The following RPS6KC1 variants were observed in gnomAD, a reference collection of about 807,000 sequenced individuals.
The protein encoded by RPS6KC1 is ribosomal protein S6 kinase C1, also known as inactive ribosomal protein S6 kinase delta-1.
In RPS6KC1, 54 loss-of-function variants were observed where a neutral mutation model predicts 103.8. The observed-to-expected ratio is 0.52, with a 90% confidence interval of 0.42 to 0.65. The LOEUF (loss-of-function observed/expected upper bound fraction) is 0.65. RPS6KC1 is among the 30% of genes least tolerant of loss of function. The pLI, the probability that RPS6KC1 is intolerant of heterozygous loss-of-function variation, is 0.00. For synonymous variants in RPS6KC1, 439 were observed against 438.7 expected, an observed-to-expected ratio of 1.00 and a Z score of -0.01; for missense variants, 1,151 against 1,253.8, an observed-to-expected ratio of 0.92 and a Z score of 1.24.
At chr1:213,734,487 G>A in the RPS6KC1 span, among the ~76,000 whole-genome samples, 1 of 152,164 alleles carries the variant, frequency 6.6e-6, no homozygotes, top group Non-Finnish European at 1.5e-5. Flanking sequence ...GTAGGCCACA[G>A]AGCAGTTTGA....
intron 8 of RPS6KC1, among the ~76,000 whole-genome samples, chr1:213,216,959 G>T (rs1366648103): frequency 6.6e-6 from 1 of 151,838 alleles, no homozygotes; most frequent in Non-Finnish European, 1.5e-5. Flanking sequence ...ACAATTAAAA[G>T]AACTAGAGAA....
At chr1:213,088,819 A>G (rs1225072060) in intron 3 of RPS6KC1, among the ~76,000 whole-genome samples, 2 of 152,180 alleles carry the variant, frequency 1.3e-5, no homozygotes, top group African/African-American at 2.4e-5. Context: ...CTGGTAGTCT[A>G]CATGGAACAG....
the RPS6KC1 span, among the ~76,000 whole-genome samples, chr1:213,854,510 C>CTCTT: frequency 0.12 from 14,290 of 120,836 alleles, 1,352 homozygotes; most frequent in Middle Eastern, 0.18. Flanking sequence ...CTCTTTCTTT[C>CTCTT]TCTTTCTTTC....
the RPS6KC1 span, among the ~76,000 whole-genome samples, chr1:213,326,856 G>C: frequency 6.6e-6 from 1 of 152,088 alleles, no homozygotes; most frequent in Admixed American, 6.5e-5. Context: ...AGACAGATTT[G>C]GGTGTCCTCC....
chr1:213,644,809 C>T, the RPS6KC1 span, among the ~76,000 whole-genome samples: 1 of 152,146 alleles, frequency 6.6e-6, no homozygotes, highest in South Asian at 2.1e-4. Flanking sequence ...TACACTCCCA[C>T]AGGAGTTTTT....
the RPS6KC1 span, among the ~76,000 whole-genome samples, chr1:213,384,796 C>T: frequency 3.3e-5 from 5 of 152,282 alleles, no homozygotes; most frequent in East Asian, 1.9e-4. Flanking sequence ...TCACTCAGTT[C>T]GCACAACTAC....
chr1:213,861,024 G>A, the RPS6KC1 span, among the ~76,000 whole-genome samples: 12 of 152,016 alleles, frequency 7.9e-5, no homozygotes, highest in Non-Finnish European at 1.5e-4. Flanking sequence ...AGCCAGGATG[G>A]TCTCAAACCC....
the RPS6KC1 span, among the ~76,000 whole-genome samples, chr1:213,625,086 G>A: frequency 2.0e-5 from 3 of 151,958 alleles, no homozygotes; most frequent in African/African-American, 7.3e-5. Context: ...GGGTTCAAGC[G>A]ATTCTCCTAC....
chr1:213,609,370 G>T, the RPS6KC1 span, among the ~76,000 whole-genome samples: 1 of 152,152 alleles, frequency 6.6e-6, no homozygotes, highest in African/African-American at 2.4e-5. Context: ...CTCACTTCTG[G>T]TCTCCTAAGT....
At position 213,092,586 on chromosome 1, in the gene RPS6KC1, T is replaced by A. The variant is rs564565958; in HGVS notation, c.263-11868T>A. On this transcript the variant is annotated intron_variant, in intron 3 of 14. Transcript: ENST00000366960. ...ACTCAGGGGGCTGAGGCAGGGGAATTGCTTGAACCAGGGAGGCGGAGCTTG... is the reference window on the plus strand; with the variant it reads ...ACTCAGGGGGCTGAGGCAGGGGAATAGCTTGAACCAGGGAGGCGGAGCTTG... Among the ~76,000 whole-genome samples the A allele has an allele frequency of 2.0e-3, 298 of 151,568 alleles. 1 individual carries two copies. The highest frequency in any genetic ancestry group is 7.0e-3 in the African/African-American group (287 of 41,252).
At chr1:213,590,822 T>A in the RPS6KC1 span, among the ~76,000 whole-genome samples, 1 of 152,108 alleles carries the variant, frequency 6.6e-6, no homozygotes, top group African/African-American at 2.4e-5. Flanking sequence ...GGGCAGTCCA[T>A]TACAGTGTCC....
the RPS6KC1 span, among the ~76,000 whole-genome samples, chr1:213,616,377 G>T: frequency 1.3e-5 from 2 of 152,222 alleles, no homozygotes; most frequent in Admixed American, 1.3e-4. Context: ...GGAGCCTGGA[G>T]CTGGAGCCCA....
chr1:213,857,772 A>C, the RPS6KC1 span, among the ~76,000 whole-genome samples: 8 of 152,318 alleles, frequency 5.3e-5, no homozygotes, highest in African/African-American at 1.9e-4. Flanking sequence ...CTGCTTGGGC[A>C]GCATCTGGGC....
chr1:213,647,847 C>A, the RPS6KC1 span, among the ~76,000 whole-genome samples: 6 of 152,144 alleles, frequency 3.9e-5, no homozygotes, highest in Non-Finnish European at 8.8e-5. Flanking sequence ...TACATGTCAA[C>A]AGAAGGAAAA....
At chr1:213,539,473 G>A in the RPS6KC1 span, among the ~76,000 whole-genome samples, 1 of 152,128 alleles carries the variant, frequency 6.6e-6, no homozygotes, top group East Asian at 1.9e-4. Context: ...TAGGATTTTT[G>A]GGGTCTTCTT....
chr1:213,205,366 T>C, intron 8 of RPS6KC1: 3 of 984,724 alleles, frequency 3.0e-6, no homozygotes, highest in Non-Finnish European at 3.6e-6. Context: ...ACATCAGTCA[T>C]TGTGATGTGA....
At chr1:213,314,689 A>G in the RPS6KC1 span, among the ~76,000 whole-genome samples, 2 of 138,864 alleles carry the variant, frequency 1.4e-5, no homozygotes, top group African/African-American at 2.7e-5. Flanking sequence ...GGTTTTCTCT[A>G]TTAGCAGCAA....
intron 8 of RPS6KC1, among the ~76,000 whole-genome samples, chr1:213,202,245 A>G (rs1040972937): frequency 1.6e-4 from 24 of 152,094 alleles, no homozygotes; most frequent in African/African-American, 5.8e-4. Flanking sequence ...CAGTATCATT[A>G]TTCATTAAAC....
At chr1:213,188,466 T>G (rs186956980) in intron 8 of RPS6KC1, among the ~76,000 whole-genome samples, 1 of 151,486 alleles carries the variant, frequency 6.6e-6, no homozygotes. Context: ...AATTATCTCA[T>G]TCTCATATTT....
Sources: gnomAD v4.1 joint callset for allele counts (sites outside exome capture counted in the v4.1 genomes callset) on GRCh38, gnomAD v4.1.1 for gene constraint, MANE v1.5 for transcripts, NCBI Gene and HGNC (gene_info 2026-07-23, HGNC 2026-07-21) for gene names.